CDC14A: variants seen among roughly 807,000 people sequenced by gnomAD.
CDC14A encodes the protein cell division cycle 14A, also known as dual specificity protein phosphatase CDC14A.
CDC14A carries 53 observed loss-of-function variants against 74.4 expected under a neutral mutation model. That is an observed-to-expected ratio of 0.71 (90% CI 0.57 to 0.89). The LOEUF (loss-of-function observed/expected upper bound fraction) is 0.89. CDC14A is among the 40% of genes least tolerant of loss of function. CDC14A has a pLI of 0.00. For missense variants in CDC14A, 646 were observed against 713.7 expected, an observed-to-expected ratio of 0.91 and a Z score of 1.08; for synonymous variants, 247 against 258.4, an observed-to-expected ratio of 0.96 and a Z score of 0.43.
At chr1:100,419,205 A>G (rs927001307) in intron 4 of CDC14A, among the ~76,000 whole-genome samples, 9 of 152,162 alleles carry the variant, frequency 5.9e-5, no homozygotes, top group African/African-American at 2.2e-4. Context: ...AAATAAAAAG[A>G]GAGAGACTGA....
intron 11 of CDC14A, chr1:100,486,123 G>C (rs1191653315): frequency 6.6e-6 from 1 of 152,140 alleles, no homozygotes; most frequent in Non-Finnish European, 1.5e-5. Context: ...TTCCTCCCCA[G>C]GTTGAGTACA....
intron 15 of CDC14A, among the ~76,000 whole-genome samples, chr1:100,515,726 A>C (rs1465630852): frequency 1.3e-5 from 2 of 152,216 alleles, no homozygotes; most frequent in Admixed American, 1.3e-4. Flanking sequence ...ATTGAAAATG[A>C]AAGGAAGTTA....
chr1:100,514,190 C>T (rs548763085), intron 15 of CDC14A, among the ~76,000 whole-genome samples: 13 of 151,926 alleles, frequency 8.6e-5, no homozygotes, highest in African/African-American at 2.7e-4. Flanking sequence ...TCTTTATAAC[C>T]ATCTTCACTG....
chr1:100,476,634 A>G (rs1668935447), intron 10 of CDC14A, among the ~76,000 whole-genome samples: 2 of 150,158 alleles, frequency 1.3e-5, no homozygotes, highest in South Asian at 2.1e-4. Context: ...AAATATATAT[A>G]GGATTTTAAA....
At chr1:100,423,805 T>G (rs924655074) in intron 4 of CDC14A, 4 of 174,686 alleles carry the variant, frequency 2.3e-5, no homozygotes, top group Admixed American at 1.6e-4. Flanking sequence ...AGATACCCCA[T>G]GGATATTGTG....
At chr1:100,477,836 A>G (rs1013877073) in intron 10 of CDC14A, among the ~76,000 whole-genome samples, 1 of 152,202 alleles carries the variant, frequency 6.6e-6, no homozygotes, top group African/African-American at 2.4e-5. Context: ...TTTTTAGAGA[A>G]TGTTAATTCC....
chr1:100,412,723 T>TATATATATATATATATATATATATATA (rs1491148182), intron 4 of CDC14A, among the ~76,000 whole-genome samples: 14 of 83,710 alleles, frequency 1.7e-4, no homozygotes, highest in African/African-American at 1.4e-3. Context: ...TATATATATA[T>TATATATATATATATATATATATATATA]TTTATATATA....
chr1:100,475,094 T>C (rs1668757902), intron 10 of CDC14A, among the ~76,000 whole-genome samples: 2 of 152,152 alleles, frequency 1.3e-5, no homozygotes, highest in Non-Finnish European at 2.9e-5. Context: ...CTCTTCATCA[T>C]TTTATTTTTA....
In CDC14A at chr1:100,451,973, A is replaced by G. The variant is rs1666190040; in HGVS notation, c.520-3432A>G. Among the ~76,000 whole-genome samples the G allele has an allele frequency of 2.6e-5, 4 of 152,220 alleles. 1 individual carries two copies. In the South Asian group the frequency reaches 8.3e-4, roughly 32 times the overall value. On this transcript the variant is annotated intron_variant, in intron 7 of 15. Transcript: ENST00000336454. ...ACCAAGTTACAGTCCTTGATATATAATAAAGGCTCAGCAAATGTCTAAATG... is the reference window on the plus strand; with the variant it reads ...ACCAAGTTACAGTCCTTGATATATAGTAAAGGCTCAGCAAATGTCTAAATG...
chr1:100,504,746 A>T, intron 15 of CDC14A: 2 of 1,235,658 alleles, frequency 1.6e-6, no homozygotes, highest in Non-Finnish European at 2.3e-6. Context: ...TCTGTACTGC[A>T]TTTCTGTAGT....
chr1:100,426,725 T>C (rs940831965), intron 5 of CDC14A, among the ~76,000 whole-genome samples: 13 of 152,194 alleles, frequency 8.5e-5, no homozygotes, highest in African/African-American at 3.1e-4. Flanking sequence ...CTAGAATTTC[T>C]TTATGCACGT....
intron 15 of CDC14A, among the ~76,000 whole-genome samples, chr1:100,512,848 T>C (rs1473231079): frequency 6.6e-6 from 1 of 152,188 alleles, no homozygotes; most frequent in Admixed American, 6.5e-5. Context: ...CTTAATATGA[T>C]GCCAATAAAA....
chr1:100,460,641 A>C (rs2101211430), intron 8 of CDC14A, among the ~76,000 whole-genome samples: 1 of 152,368 alleles, frequency 6.6e-6, no homozygotes, highest in East Asian at 1.9e-4. Context: ...AATTTGAGCA[A>C]GTAAACCAAC....
rs917211292 is a variant in CDC14A, at chr1:100,519,831, GTTA to G, written c.*1556_*1558del. ...AAAAAAGTAAAATATTTTATTATGA[GTTA>G]TTATAAAAATTGGTTAATTGTATAG... On this transcript the variant is annotated 3_prime_UTR_variant, in exon 16 of 16. Coordinates refer to ENST00000336454, the MANE Select transcript of CDC14A (RefSeq NM_003672.4). 12 of 152,390 alleles carry G rather than the reference GTTA, an allele frequency of 7.9e-5. No individual in the cohort carries two copies. The highest frequency in any genetic ancestry group is 1.2e-4 in the African/African-American group (5 of 41,510). 9.4% of individuals were successfully genotyped at this position (152,390 alleles called of 1,614,324 possible). A position where few individuals can be genotyped will look rare whatever the true frequency, so the allele number is the denominator to read the frequency against.
At chr1:100,387,621 A>G (rs969632621) in intron 3 of CDC14A, among the ~76,000 whole-genome samples, 1 of 152,330 alleles carries the variant, frequency 6.6e-6, no homozygotes, top group South Asian at 2.1e-4. Context: ...ATCATTCTCT[A>G]TCTGATGTAA....
At chr1:100,403,927 C>T (rs933408416) in intron 4 of CDC14A, among the ~76,000 whole-genome samples, 2 of 152,040 alleles carry the variant, frequency 1.3e-5, no homozygotes, top group Admixed American at 6.6e-5. Flanking sequence ...CTCAAGACAT[C>T]GAATCTTAAA....
intron 15 of CDC14A, among the ~76,000 whole-genome samples, chr1:100,513,618 G>A (rs1649965218): frequency 6.6e-6 from 1 of 152,024 alleles, no homozygotes. Flanking sequence ...ATAATTTGCT[G>A]TTTTTGATAG....
At chr1:100,425,299 G>C (rs976968912) in intron 5 of CDC14A, among the ~76,000 whole-genome samples, 1 of 152,102 alleles carries the variant, frequency 6.6e-6, no homozygotes, top group Admixed American at 6.5e-5. Context: ...AAATCTGCAA[G>C]CATGTGTATT....
intron 2 of CDC14A, among the ~76,000 whole-genome samples, chr1:100,367,110 A>G (rs1047997908): frequency 6.6e-6 from 1 of 152,040 alleles, no homozygotes; most frequent in Non-Finnish European, 1.5e-5. Flanking sequence ...ATTAACTTCA[A>G]GTTTAGGAGT....
Sources: gnomAD v4.1 joint callset for allele counts (sites outside exome capture counted in the v4.1 genomes callset) on GRCh38, gnomAD v4.1.1 for gene constraint, MANE v1.5 for transcripts, NCBI Gene and HGNC (gene_info 2026-07-23, HGNC 2026-07-21) for gene names.